Variants in TSHR observed in about 807,000 individuals in gnomAD.
The protein encoded by TSHR is thyroid stimulating hormone receptor, also known as thyrotropin receptor.
Under a neutral mutation model 64.1 loss-of-function variants are expected in TSHR, and 51 were observed. The ratio of observed to expected loss-of-function variants is 0.80; its 90% CI spans 0.64 to 1.01. The LOEUF (loss-of-function observed/expected upper bound fraction) is 1.01, where lower values mean the gene tolerates loss of function less well. Ranked by LOEUF, TSHR falls within the 50% of genes least tolerant of loss-of-function variation. TSHR has a pLI of 0.00. For synonymous variants in TSHR, 361 were observed against 361.9 expected, an observed-to-expected ratio of 1.00 and a Z score of 0.03; for missense variants, 877 against 942.8, an observed-to-expected ratio of 0.93 and a Z score of 0.91.
At chr14:81,026,727 A>G (rs1884075483) in intron 1 of TSHR, among the ~76,000 whole-genome samples, 2 of 152,114 alleles carry the variant, frequency 1.3e-5, no homozygotes, top group South Asian at 4.1e-4. Context: ...AGAGCAAAAT[A>G]AAAACATCAA....
chr14:80,990,372 CT>C (rs1888666644), intron 1 of TSHR, among the ~76,000 whole-genome samples: 1 of 152,168 alleles, frequency 6.6e-6, no homozygotes, highest in South Asian at 2.1e-4. Context: ...CGTCTCATAT[CT>C]TTTTTCCCAC....
chr14:81,037,007 G>A (rs1165308176), intron 1 of TSHR, among the ~76,000 whole-genome samples: 1 of 152,010 alleles, frequency 6.6e-6, no homozygotes, highest in Non-Finnish European at 1.5e-5. Flanking sequence ...GCTGGGTGTG[G>A]TGGTGTGTGC....
At chr14:81,013,906 C>T (rs529073771) in intron 1 of TSHR, 2 of 152,188 alleles carry the variant, frequency 1.3e-5, no homozygotes, top group East Asian at 1.9e-4. Context: ...GATGAGTTAA[C>T]CTTATGGGGT....
At chr14:81,128,614 T>G (rs2140081757) in intron 8 of TSHR, among the ~76,000 whole-genome samples, 1 of 152,216 alleles carries the variant, frequency 6.6e-6, no homozygotes, top group East Asian at 1.9e-4. Flanking sequence ...TGCCACGTAT[T>G]CTCTCATCCT....
At chr14:81,042,625 C>T (rs1357871701) in intron 1 of TSHR, among the ~76,000 whole-genome samples, 1 of 150,852 alleles carries the variant, frequency 6.6e-6, no homozygotes, top group Non-Finnish European at 1.5e-5. Context: ...GTGGTGACCA[C>T]AGGCAGAAGA....
chr14:81,049,115 C>T (rs1443464438), intron 1 of TSHR, among the ~76,000 whole-genome samples: 2 of 152,106 alleles, frequency 1.3e-5, no homozygotes, highest in African/African-American at 4.8e-5. Flanking sequence ...ACTGTACTCA[C>T]GTAGGTCTTG....
chr14:80,956,018 A>G (rs1886657898), intron 1 of TSHR, 168 bp downstream of exon 1: 1 of 777,934 alleles, frequency 1.3e-6, no homozygotes, highest in East Asian at 2.7e-5. Context: ...TAAAAACTTA[A>G]TCGCCCACAC....
intron 8 of TSHR, among the ~76,000 whole-genome samples, chr14:81,134,186 A>G (rs1891361004): frequency 6.6e-6 from 1 of 151,788 alleles, no homozygotes; most frequent in Admixed American, 6.6e-5. Context: ...CCCAGGCTGG[A>G]GTGCAATGGT....
At chr14:81,025,399 A>G (rs933564732) in intron 1 of TSHR, among the ~76,000 whole-genome samples, 6 of 152,258 alleles carry the variant, frequency 3.9e-5, no homozygotes, top group African/African-American at 1.4e-4. Flanking sequence ...TGCAGTTCAA[A>G]GATAGACTTG....
At chr14:81,120,356 G>T (rs377017377) in intron 8 of TSHR, among the ~76,000 whole-genome samples, 2 of 152,054 alleles carry the variant, frequency 1.3e-5, no homozygotes, top group African/African-American at 4.8e-5. Context: ...CATGAAAAAC[G>T]TCAATGTCTT....
chr14:81,078,421 C>A (rs1487851640), intron 3 of TSHR, among the ~76,000 whole-genome samples: 1 of 151,870 alleles, frequency 6.6e-6, no homozygotes, highest in African/African-American at 2.4e-5. Context: ...GTGTTTTTTC[C>A]CCTCTGGTTA....
At chr14:81,062,109 A>G (rs750869982) in intron 1 of TSHR, 39 bp from the exon 2 acceptor site, 8 of 1,526,658 alleles carry the variant, frequency 5.2e-6, no homozygotes, top group Admixed American at 5.1e-5. Context: ...GAAAAGCCCA[A>G]TGATTAAAAC....
At chr14:80,973,384 T>C (rs59242643) in intron 1 of TSHR, among the ~76,000 whole-genome samples, 2 of 72,658 alleles carry the variant, frequency 2.8e-5, no homozygotes, top group Non-Finnish European at 5.9e-5. Flanking sequence ...CACGCCCGGG[T>C]GACAGCGAGA....
chr14:81,018,117 A>T (rs1883524896), intron 1 of TSHR, among the ~76,000 whole-genome samples: 1 of 152,122 alleles, frequency 6.6e-6, no homozygotes, highest in South Asian at 2.1e-4. Context: ...AATAGTACCT[A>T]ACATACTCTA....
At chr14:81,032,871 C>G (rs966524899) in intron 1 of TSHR, 1 of 368,724 alleles carries the variant, frequency 2.7e-6, no homozygotes, top group African/African-American at 2.2e-5. Flanking sequence ...TGATCAACAG[C>G]AGAACTCACC....
chr14:80,983,372 A>C, intron 1 of TSHR: 1 of 1,115,132 alleles, frequency 9.0e-7, no homozygotes, highest in South Asian at 1.7e-5. Flanking sequence ...GAAAGTACAA[A>C]ACCAGACATC....
At chr14:81,129,953 C>T (rs931341072) in intron 8 of TSHR, among the ~76,000 whole-genome samples, 1 of 152,072 alleles carries the variant, frequency 6.6e-6, no homozygotes, top group Non-Finnish European at 1.5e-5. Context: ...GTAGTTTCTT[C>T]CATCTTAAAA....
At chr14:81,083,031 A>G (rs1476089807) in intron 3 of TSHR, among the ~76,000 whole-genome samples, 1 of 54 alleles carries the variant, frequency 0.019, no homozygotes, top group Non-Finnish European at 0.042. Context: ...AGTGGTTGGA[A>G]AAAAAAAAAG....
At chr14:81,114,453 A>C (rs1890385983) in intron 8 of TSHR, among the ~76,000 whole-genome samples, 1 of 152,196 alleles carries the variant, frequency 6.6e-6, no homozygotes, top group African/African-American at 2.4e-5. Context: ...CTCCCACCCG[A>C]ATACTGCGCT....
Sources: allele counts gnomAD v4.1 joint callset (sites outside exome capture counted in the v4.1 genomes callset), GRCh38; gene constraint gnomAD v4.1.1; transcripts MANE v1.5; gene names NCBI Gene and HGNC (gene_info 2026-07-23, HGNC 2026-07-21).